CCDC141: variants seen among roughly 807,000 people sequenced by gnomAD.
CCDC141 encodes the protein coiled-coil domain-containing protein 141.
In CCDC141, 168 loss-of-function variants were observed where a neutral mutation model predicts 181.0. That is an observed-to-expected ratio of 0.93 (90% CI 0.82 to 1.05). The LOEUF is 1.05. Among genes scored for constraint, CCDC141 ranks in the 50% least tolerant of loss-of-function variants. The pLI, the probability that CCDC141 is intolerant of heterozygous loss-of-function variation, is 0.00. For synonymous variants in CCDC141, 666 were observed against 642.3 expected, an observed-to-expected ratio of 1.04 and a Z score of -0.56; for missense variants, 1,902 against 1,788.5, an observed-to-expected ratio of 1.06 and a Z score of -1.14.
chr2:178,821,192 T>C, the CCDC141 span, among the ~76,000 whole-genome samples: 3 of 152,148 alleles, frequency 2.0e-5, no homozygotes, highest in African/African-American at 7.2e-5. Context: ...AATAAGAGCC[T>C]GATTATTTGT....
At chr2:178,934,380 G>C (rs755887102) in intron 6 of CCDC141, among the ~76,000 whole-genome samples, 11 of 152,116 alleles carry the variant, frequency 7.2e-5, no homozygotes, top group Middle Eastern at 3.2e-3. Flanking sequence ...TTCAAAGGTT[G>C]AATTCAAGCT....
intron 9 of CCDC141, among the ~76,000 whole-genome samples, chr2:178,888,305 T>C (rs1291547201): frequency 6.6e-6 from 1 of 152,196 alleles, no homozygotes; most frequent in Non-Finnish European, 1.5e-5. Flanking sequence ...CCTTTGTGTG[T>C]ATACCTTCAG....
At chr2:179,028,076 T>C (rs1012142031) in intron 2 of CCDC141, among the ~76,000 whole-genome samples, 4 of 152,186 alleles carry the variant, frequency 2.6e-5, no homozygotes, top group Non-Finnish European at 5.9e-5. Context: ...GAAGTCACCA[T>C]CCCAGACTTC....
chr2:179,047,434 C>T, intron 1 of CCDC141, 28 bp from the exon 2 acceptor site: 2 of 1,475,184 alleles, frequency 1.4e-6, no homozygotes, highest in African/African-American at 2.9e-5. Context: ...ATAAAATGCA[C>T]TTTTAGTTCC....
intron 6 of CCDC141, among the ~76,000 whole-genome samples, chr2:178,920,219 A>G (rs1275449675): frequency 6.6e-6 from 1 of 152,192 alleles, no homozygotes; most frequent in Admixed American, 6.5e-5. Flanking sequence ...AGATTTCAGA[A>G]GTCTCAGTCT....
rs1006042263 is a variant in CCDC141 at position 178,888,563 on chromosome 2, T to C, written c.1371A>G (p.Gln457=). The C allele has an allele frequency of 1.3e-6, 2 of 1,550,360 alleles. No homozygotes were observed. Among genetic ancestry groups the C allele is most frequent in the African/African-American group, 1.4e-5 (1 of 73,030 alleles). ...AACCCTCCACTGAGGCTGTTAGTTGTTGTTTCTTAAGAGCATATTCCTTGT... is the reference window on the plus strand; with the variant it reads ...AACCCTCCACTGAGGCTGTTAGTTGCTGTTTCTTAAGAGCATATTCCTTGT... ...SAHKEYALKK[Q]QLTASVEGYL... The change falls in exon 9 of 24, where the codon CAA becomes CAG. Residue 457 remains glutamine (Q), a synonymous_variant. Transcript: ENST00000443758.
At chr2:178,839,581 C>CAGA (rs1684635563) in intron 22 of CCDC141, among the ~76,000 whole-genome samples, 1 of 59,498 alleles carries the variant, frequency 1.7e-5, no homozygotes, top group Non-Finnish European at 2.8e-5. Flanking sequence ...ACTTCGTCTC[C>CAGA]AAAAAAAAAA....
rs2154391839 is a variant in CCDC141 at position 179,049,849 on chromosome 2, A to G, written c.93T>C (p.Ala31=). 2.6e-6 allele frequency: 4 copies of G among 1,550,722 alleles called. No homozygotes were observed. The highest frequency in any genetic ancestry group is 4.9e-5 in the East Asian group (2 of 40,926). ...VQAGDSKIVI[A]VIKCGKWVQL... ...GAAGTTGTTAGCTTACCTTTATGAC[A>G]GCTATAACGATTTTGGAGTCCCCAG... Residue 31 remains alanine (A), a synonymous_variant, in exon 1 of 24, where the codon GCT becomes GCC. Transcript: ENST00000443758.
At chr2:178,953,505 C>A (rs1444785011) in intron 5 of CCDC141, among the ~76,000 whole-genome samples, 2 of 151,960 alleles carry the variant, frequency 1.3e-5, no homozygotes, top group Non-Finnish European at 2.9e-5. Flanking sequence ...CACTGTTTAT[C>A]CAGGAATACT....
chr2:178,869,348 C>A, intron 14 of CCDC141, 43 bp from the exon 15 acceptor site: 1 of 1,416,868 alleles, frequency 7.1e-7, no homozygotes. Context: ...TATTAAAGAA[C>A]TTTTTTACTT....
chr2:179,034,245 A>G (rs1437341094), intron 2 of CCDC141, among the ~76,000 whole-genome samples: 1 of 152,196 alleles, frequency 6.6e-6, no homozygotes, highest in Non-Finnish European at 1.5e-5. Context: ...AAGGAGGAAC[A>G]GAAAACCAAA....
intron 2 of CCDC141, among the ~76,000 whole-genome samples, chr2:178,985,630 G>A (rs1366712591): frequency 6.6e-6 from 1 of 151,536 alleles, no homozygotes; most frequent in African/African-American, 2.4e-5. Context: ...AATGATAAAG[G>A]GGATATCACC....
At chr2:178,982,883 G>C (rs1185122350) in intron 2 of CCDC141, among the ~76,000 whole-genome samples, 1 of 152,186 alleles carries the variant, frequency 6.6e-6, no homozygotes, top group Admixed American at 6.5e-5. Context: ...CAGCCAGGCT[G>C]GGGGAGGGGC....
chr2:178,863,660 G>A (rs1201515952), intron 17 of CCDC141, among the ~76,000 whole-genome samples: 1 of 152,116 alleles, frequency 6.6e-6, no homozygotes, highest in African/African-American at 2.4e-5. Flanking sequence ...TAGGCCTGTG[G>A]TGGGAAAGTC....
intron 2 of CCDC141, among the ~76,000 whole-genome samples, chr2:178,980,310 C>T (rs1018058378): frequency 1.3e-5 from 2 of 151,874 alleles, no homozygotes; most frequent in African/African-American, 2.4e-5. Context: ...ATTAGCTGGG[C>T]CTGGTGGTGG....
intron 15 of CCDC141, among the ~76,000 whole-genome samples, chr2:178,868,664 T>C (rs1464587850): frequency 1.6e-5 from 2 of 126,022 alleles, no homozygotes; most frequent in Non-Finnish European, 3.2e-5. Flanking sequence ...AGCCTAGAAT[T>C]GAATTGGGGC....
intron 2 of CCDC141, among the ~76,000 whole-genome samples, chr2:179,041,584 T>C (rs79301999): frequency 0.033 from 4,773 of 143,616 alleles, 104 homozygotes; most frequent in Non-Finnish European, 0.047. Context: ...ACCTTAAATG[T>C]AAATGGAAAT....
chr2:179,033,539 A>G (rs987596000), intron 2 of CCDC141, among the ~76,000 whole-genome samples: 16 of 152,136 alleles, frequency 1.1e-4, no homozygotes, highest in African/African-American at 3.9e-4. Flanking sequence ...TTTTTATCCT[A>G]ATATTTAATC....
At chr2:178,865,182 C>CT (rs1392441842) in intron 17 of CCDC141, among the ~76,000 whole-genome samples, 1 of 152,126 alleles carries the variant, frequency 6.6e-6, no homozygotes, top group African/African-American at 2.4e-5. Flanking sequence ...TCTGTTATTT[C>CT]TTTTTTCTTG....
Sources: gnomAD v4.1 joint callset for allele counts (sites outside exome capture counted in the v4.1 genomes callset) on GRCh38, gnomAD v4.1.1 for gene constraint, MANE v1.5 for transcripts, NCBI Gene and HGNC (gene_info 2026-07-23, HGNC 2026-07-21) for gene names.